Variants in BICC1 observed in about 807,000 individuals in gnomAD.
BICC1 encodes protein bicaudal C homolog 1.
BICC1 carries 43 observed loss-of-function variants against 111.0 expected under a neutral mutation model. That is an observed-to-expected ratio of 0.39 (90% confidence interval 0.30 to 0.50). BICC1 has a LOEUF of 0.50. Ranked by LOEUF, BICC1 falls within the 20% of genes least tolerant of loss-of-function variation. The pLI is 0.88. For synonymous variants in BICC1, 467 were observed against 434.4 expected (o/e 1.07, Z -0.93); for missense variants, 1,091 against 1,203.2 (o/e 0.91, Z 1.38).
chr10:58,684,134 G>A (rs546707847), intron 2 of BICC1, among the ~76,000 whole-genome samples: 3 of 152,138 alleles, frequency 2.0e-5, no homozygotes, highest in South Asian at 2.1e-4. Flanking sequence ...TGAGATAATC[G>A]TATGGTTTTT....
chr10:58,711,193 C>T (rs371624883), intron 3 of BICC1, among the ~76,000 whole-genome samples: 4 of 152,258 alleles, frequency 2.6e-5, no homozygotes, highest in South Asian at 4.1e-4. Flanking sequence ...AAGATCATCA[C>T]TTGGTGAATG....
At chr10:58,671,896 A>G (rs1245266243) in intron 2 of BICC1, among the ~76,000 whole-genome samples, 1 of 152,112 alleles carries the variant, frequency 6.6e-6, no homozygotes, top group African/African-American at 2.4e-5. Flanking sequence ...TCAGCATTCA[A>G]TTCTTTTCCT....
At chr10:58,764,903 C>G (rs1210585872) in intron 3 of BICC1, among the ~76,000 whole-genome samples, 1 of 152,040 alleles carries the variant, frequency 6.6e-6, no homozygotes, top group Non-Finnish European at 1.5e-5. Context: ...CTGGAATAAT[C>G]AAGGTGATAA....
At chr10:58,609,954 TAAG>T (rs1044029596) in intron 1 of BICC1, among the ~76,000 whole-genome samples, 1 of 152,230 alleles carries the variant, frequency 6.6e-6, no homozygotes, top group Admixed American at 6.5e-5. Flanking sequence ...ATTGCTTATA[TAAG>T]AAGAAATAGT....
chr10:58,576,404 T>C (rs536472991), intron 1 of BICC1, among the ~76,000 whole-genome samples: 2 of 151,230 alleles, frequency 1.3e-5, no homozygotes, highest in Non-Finnish European at 2.9e-5. Flanking sequence ...ACTACAAGAA[T>C]TTCTAAATAC....
intron 19 of BICC1, 26 bp from the exon 20 acceptor site, chr10:58,820,343 T>C (rs1162736217): frequency 6.8e-7 from 1 of 1,468,096 alleles, no homozygotes; most frequent in Admixed American, 1.7e-5. Context: ...AATACATTGG[T>C]TATAGATTGA....
chr10:58,603,350 G>A (rs1028122812), intron 1 of BICC1, among the ~76,000 whole-genome samples: 2 of 152,200 alleles, frequency 1.3e-5, no homozygotes, highest in African/African-American at 4.8e-5. Flanking sequence ...TGTGATTCCA[G>A]TGGTGTCACA....
intron 3 of BICC1, among the ~76,000 whole-genome samples, chr10:58,753,654 G>A (rs1334550557): frequency 6.6e-6 from 1 of 151,748 alleles, no homozygotes; most frequent in Non-Finnish European, 1.5e-5. Context: ...TCTTTATGAT[G>A]CCACTTGTTA....
At chr10:58,789,624 T>G in intron 7 of BICC1, 58 bp from the exon 8 acceptor site, 1 of 1,584,770 alleles carries the variant, frequency 6.3e-7, no homozygotes, top group Non-Finnish European at 8.6e-7. Flanking sequence ...ATAGAATCTT[T>G]CCCCGTATAT....
At chr10:58,599,895 T>C (rs73288180) in intron 1 of BICC1, among the ~76,000 whole-genome samples, 1,552 of 151,578 alleles carry the variant, frequency 0.01, 25 homozygotes, top group African/African-American at 0.036. Context: ...ACTAACATGA[T>C]TTTAATTGTC....
At chr10:58,519,135 C>A (rs767109783) in intron 1 of BICC1, among the ~76,000 whole-genome samples, 3 of 152,174 alleles carry the variant, frequency 2.0e-5, no homozygotes, top group Non-Finnish European at 2.9e-5. Context: ...CCGTGTCTTC[C>A]CTCTTCCCTG....
intron 1 of BICC1, among the ~76,000 whole-genome samples, chr10:58,585,072 G>T (rs528908213): frequency 6.6e-6 from 1 of 152,304 alleles, no homozygotes; most frequent in Non-Finnish European, 1.5e-5. Flanking sequence ...TGTACAGGTA[G>T]AGTATGAAAA....
chr10:58,805,091 G>A (rs1364836283), intron 15 of BICC1, among the ~76,000 whole-genome samples: 1 of 152,108 alleles, frequency 6.6e-6, no homozygotes, highest in Non-Finnish European at 1.5e-5. Flanking sequence ...TCAGGAGTTC[G>A]AGACCAGCCT....
At chr10:58,580,005 C>A in intron 1 of BICC1, among the ~76,000 whole-genome samples, 1 of 148,414 alleles carries the variant, frequency 6.7e-6, no homozygotes, top group Non-Finnish European at 1.5e-5. Flanking sequence ...GAACACTTAA[C>A]AAGAAAGCTG....
intron 3 of BICC1, among the ~76,000 whole-genome samples, chr10:58,753,463 C>T (rs7097770): frequency 2.3e-3 from 343 of 152,298 alleles, no homozygotes; most frequent in African/African-American, 7.7e-3. Context: ...GCCACCACGC[C>T]TGGTCAGTTT....
chr10:58,715,468 GGCAA>G, intron 3 of BICC1: 1 of 768,412 alleles, frequency 1.3e-6, no homozygotes. Context: ...GTGGGGAGGC[GGCAA>G]GAGGACCTGT....
rs1323879482 is a variant in BICC1, at chr10:58,513,108, C to T, written c.-36C>T. On this transcript the variant is annotated 5_prime_UTR_variant, in exon 1 of 21. Coordinates refer to ENST00000373886, the MANE Select transcript of BICC1 (RefSeq NM_001080512.3). ...GGAGGCGGCAGCGCAGGCAGAGCGGCGGCGGCAGCGGGAGCCCGAGCGCTG... is the reference window on the plus strand; with the variant it reads ...GGAGGCGGCAGCGCAGGCAGAGCGGTGGCGGCAGCGGGAGCCCGAGCGCTG... The T allele has an allele frequency of 6.7e-6, 9 of 1,353,060 alleles. No homozygotes were observed. In the East Asian group the frequency reaches 2.5e-4, roughly 37 times the overall value. 83.8% of individuals were successfully genotyped at this position (1,353,060 alleles called of 1,614,324 possible). A position where few individuals can be genotyped will look rare whatever the true frequency, so the allele number is the denominator to read the frequency against.
rs902385624 is a variant in BICC1 at position 58,830,364 on chromosome 10, A to T, written c.*1473A>T. 6.6e-6 allele frequency: 1 copy of T among 152,164 alleles called. No individual in the cohort carries two copies. Among genetic ancestry groups the T allele is most frequent in the Non-Finnish European group, 1.5e-5 (1 of 68,024 alleles). 9.4% of individuals were successfully genotyped at this position (152,164 alleles called of 1,614,324 possible). A position where few individuals can be genotyped will look rare whatever the true frequency, so the allele number is the denominator to read the frequency against. On this transcript the variant is annotated 3_prime_UTR_variant, in exon 21 of 21. Coordinates refer to ENST00000373886, the MANE Select transcript of BICC1 (RefSeq NM_001080512.3). The stretch of plus-strand genomic sequence containing the variant: ...TATTAATTTGTTAGAAAACTTTCCC[A>T]TAGGAAATGTTGTCAAGTTACCTGT...
Position 58,676,252 on chromosome 10 carries a change from A to G in BICC1, c.238-25822A>G, listed in dbSNP as rs115732717. Among the ~76,000 whole-genome samples the G allele has an allele frequency of 4.2e-3, 638 of 152,262 alleles. 13 individuals are homozygous for G. Among genetic ancestry groups the G allele is most frequent in the African/African-American group, 0.015 (607 of 41,558 alleles). Reference sequence around the variant, plus strand: ...GAGTGTTTTTTCATACCCTAGTGGCACCTGGAACTCCAGTGAGACAGAACT... The same window carrying G: ...GAGTGTTTTTTCATACCCTAGTGGCGCCTGGAACTCCAGTGAGACAGAACT... On this transcript the variant is annotated intron_variant, in intron 2 of 20. Transcript: ENST00000373886.
Sources: gnomAD v4.1 joint callset for allele counts (sites outside exome capture counted in the v4.1 genomes callset) on GRCh38, gnomAD v4.1.1 for gene constraint, MANE v1.5 for transcripts, NCBI Gene and HGNC (gene_info 2026-07-23, HGNC 2026-07-21) for gene names.